The following AGAP1 variants were observed in gnomAD, a reference collection of about 807,000 sequenced individuals.
The protein encoded by AGAP1 is arf-GAP with GTPase, ANK repeat and PH domain-containing protein 1.
Under a neutral mutation model 105.3 loss-of-function variants are expected in AGAP1, and 29 were observed. The ratio of observed to expected loss-of-function variants is 0.28; its 90% confidence interval spans 0.21 to 0.38. AGAP1 has a LOEUF of 0.38. Among genes scored for constraint, AGAP1 ranks in the 10% least tolerant of loss-of-function variants. The pLI, the probability that AGAP1 is intolerant of heterozygous loss-of-function variation, is 1.00. For synonymous variants in AGAP1, 509 were observed against 485.9 expected (o/e 1.05, Z -0.63); for missense variants, 998 against 1,165.1 (o/e 0.86, Z 2.09).
In AGAP1 at chr2:235,777,519, G is replaced by A. The variant is rs147168431; in HGVS notation, c.674-20240G>A. On this transcript the variant is annotated intron_variant, in intron 6 of 17. Coordinates refer to ENST00000304032, the MANE Select transcript of AGAP1 (RefSeq NM_001037131.3). The surrounding 1 kb of genome is among the most constrained non-coding windows in gnomAD (Gnocchi z 5.1). ...GCGTCTGCCTCTGGGAGCAGAAACC[G>A]TTGTTTCACCAGCAAATTACGCTGG... Among the ~76,000 whole-genome samples the A allele has an allele frequency of 4.9e-4, 75 of 152,334 alleles. No homozygotes were observed. Among genetic ancestry groups the A allele is most frequent in the Non-Finnish European group, 9.0e-4 (61 of 68,036 alleles).
chr2:235,791,919 A>G (rs1957000262), intron 6 of AGAP1, among the ~76,000 whole-genome samples: 1 of 152,252 alleles, frequency 6.6e-6, no homozygotes, highest in Non-Finnish European at 1.5e-5. Context: ...GAGACAAGAC[A>G]TGCAGTGCCC....
chr2:235,524,516 CGGGG>C (rs1942754373), intron 1 of AGAP1: 1 of 349,268 alleles, frequency 2.9e-6, no homozygotes, highest in Admixed American at 3.6e-5. Flanking sequence ...AGACAGGCCA[CGGGG>C]CTGCACCCAG....
chr2:235,888,846 T>C lies in AGAP1; in HGVS notation c.1155+5397T>C, dbSNP rs2050392056. On this transcript the variant is annotated intron_variant, in intron 10 of 17. Transcript: ENST00000304032. This position sits in a 1 kb window ranked among gnomAD's most constrained non-coding sequence, Gnocchi z 4.8. ...AGTGCCAGCATCCTCATACCTTTGT[T>C]TGGGAAAGACACCCCAGCAGTGGGG... Among the ~76,000 whole-genome samples, 1 of 152,192 alleles carries C rather than the reference T, an allele frequency of 6.6e-6. No individual in the cohort carries two copies. The highest frequency in any genetic ancestry group is 2.4e-5 in the African/African-American group (1 of 41,446).
rs114261901 is a variant in AGAP1, at chr2:235,620,850, G to A, written c.164-88329G>A. 4.8e-3 allele frequency among the ~76,000 whole-genome samples: 726 copies of A among 152,296 alleles called. 2 individuals carry two copies. The highest frequency in any genetic ancestry group is 0.017 in the African/African-American group (705 of 41,566). ...TGCTCTGGTTTCCTTCTAGTTGTGGGAAGTAATTCCTGAATTGCAGCCCTA... is the reference window on the plus strand; with the variant it reads ...TGCTCTGGTTTCCTTCTAGTTGTGGAAAGTAATTCCTGAATTGCAGCCCTA... On this transcript the variant is annotated intron_variant, in intron 1 of 17. Coordinates refer to ENST00000304032, the MANE Select transcript of AGAP1 (RefSeq NM_001037131.3). The surrounding 1 kb of genome is among the most constrained non-coding windows in gnomAD (Gnocchi z 4.5).
intron 16 of AGAP1, among the ~76,000 whole-genome samples, chr2:236,070,595 A>G (rs923772023): frequency 3.3e-5 from 5 of 152,254 alleles, no homozygotes; most frequent in Non-Finnish European, 7.3e-5. Flanking sequence ...TATCCACACA[A>G]TGGAATATTG....
At chr2:235,671,007 C>T in intron 1 of AGAP1, 1 of 1,322,404 alleles carries the variant, frequency 7.6e-7, no homozygotes, top group Non-Finnish European at 9.6e-7. Context: ...CGGGCCCCGG[C>T]CGAAGCGCAC....
intron 1 of AGAP1, among the ~76,000 whole-genome samples, chr2:235,538,457 GTGTGCA>G (rs1243706371): frequency 6.6e-6 from 1 of 150,944 alleles, no homozygotes; most frequent in African/African-American, 2.5e-5. Flanking sequence ...GTGTGTGTGT[GTGTGCA>G]TGCTTGTACG....
At chr2:235,798,473 C>T (rs1957342821) in intron 7 of AGAP1, among the ~76,000 whole-genome samples, 2 of 152,226 alleles carry the variant, frequency 1.3e-5, no homozygotes, top group African/African-American at 4.8e-5. Context: ...ATTCTATTGG[C>T]ACTGTTTTTT....
At chr2:235,656,631 C>A (rs1302468908) in intron 1 of AGAP1, among the ~76,000 whole-genome samples, 2 of 152,106 alleles carry the variant, frequency 1.3e-5, no homozygotes, top group East Asian at 3.9e-4. Flanking sequence ...TGCGGTCTAA[C>A]CCTAGCCAAC....
At chr2:235,795,729 TTTAA>T (rs1331255448) in intron 6 of AGAP1, among the ~76,000 whole-genome samples, 7 of 152,242 alleles carry the variant, frequency 4.6e-5, no homozygotes, top group African/African-American at 1.4e-4. Flanking sequence ...CATTTTATTT[TTTAA>T]TTAATGTGGT....
At position 236,128,870 on chromosome 2, in the gene AGAP1, A is replaced by G. The variant is rs2060045799; in HGVS notation, c.*4748A>G. 1 of 152,174 alleles carries G rather than the reference A, an allele frequency of 6.6e-6. No homozygotes were observed. Among genetic ancestry groups the G allele is most frequent in the South Asian group, 2.1e-4 (1 of 4,822 alleles). The allele number at this position is 152,174 out of a possible 1,614,324, so 9.4% of individuals were successfully genotyped here. Reference sequence around the variant, plus strand: ...TGCTTCCGTCCCTCACCGCCTGCACAAGGTCGTTGAGACTTTTCTAGAACT... The same window carrying G: ...TGCTTCCGTCCCTCACCGCCTGCACGAGGTCGTTGAGACTTTTCTAGAACT... On this transcript the variant is annotated 3_prime_UTR_variant, in exon 18 of 18. Coordinates refer to ENST00000304032, the MANE Select transcript of AGAP1 (RefSeq NM_001037131.3). This position sits in a 1 kb window ranked among gnomAD's most constrained non-coding sequence, Gnocchi z 5.9.
intron 13 of AGAP1, among the ~76,000 whole-genome samples, chr2:236,018,370 G>A (rs1262832715): frequency 1.3e-5 from 2 of 152,210 alleles, no homozygotes; most frequent in African/African-American, 4.8e-5. Context: ...GAACAAAGAG[G>A]ACCAAGTGGC....
In AGAP1 at chr2:235,768,377, C is replaced by T. The variant is rs144698653; in HGVS notation, c.673+17889C>T. Among the ~76,000 whole-genome samples, 370 of 152,262 alleles carry T rather than the reference C, an allele frequency of 2.4e-3. 1 individual carries two copies. The highest frequency in any genetic ancestry group is 8.4e-3 in the African/African-American group (349 of 41,528). On this transcript the variant is annotated intron_variant, in intron 6 of 17. Coordinates refer to ENST00000304032, the MANE Select transcript of AGAP1 (RefSeq NM_001037131.3). Reference sequence around the variant, plus strand: ...AACATTTTCTCTATCAGAATATGTACAAATTGAATGTCTAGAATTTATAAA... The same window carrying T: ...AACATTTTCTCTATCAGAATATGTATAAATTGAATGTCTAGAATTTATAAA...
intron 8 of AGAP1, among the ~76,000 whole-genome samples, chr2:235,806,741 A>G (rs1957854882): frequency 6.6e-6 from 1 of 152,244 alleles, no homozygotes; most frequent in African/African-American, 2.4e-5. Context: ...GCAAAAACGG[A>G]AAATGTTAAC....
intron 6 of AGAP1, among the ~76,000 whole-genome samples, chr2:235,770,494 C>A (rs1955355680): frequency 6.6e-6 from 1 of 152,110 alleles, no homozygotes; most frequent in South Asian, 2.1e-4. Flanking sequence ...GTGGTGCCAT[C>A]TCGGCTCACT....
At position 235,931,037 on chromosome 2, in the gene AGAP1, T is replaced by A; in HGVS notation, c.1483+114T>A. 2 of 1,235,100 alleles carry A rather than the reference T, an allele frequency of 1.6e-6. No individual in the cohort carries two copies. Among genetic ancestry groups the A allele is most frequent in the Non-Finnish European group, 2.2e-6 (2 of 913,602 alleles). The allele number at this position is 1,235,100 out of a possible 1,614,324, so 76.5% of individuals were successfully genotyped here. On this transcript the variant is annotated intron_variant, in intron 12 of 17. Transcript: ENST00000304032. This position sits in a 1 kb window ranked among gnomAD's most constrained non-coding sequence, Gnocchi z 5.6. Reference sequence around the variant, plus strand: ...ATGCTCCTCTGGGAGCGCAGCACCCTGTGGGGCGGCTGCATCAGAGACTCA... The same window carrying A: ...ATGCTCCTCTGGGAGCGCAGCACCCAGTGGGGCGGCTGCATCAGAGACTCA...
intron 1 of AGAP1, among the ~76,000 whole-genome samples, chr2:235,676,192 A>G (rs1215261784): frequency 6.6e-6 from 1 of 152,224 alleles, no homozygotes; most frequent in Non-Finnish European, 1.5e-5. Flanking sequence ...TCACAGCCTC[A>G]TGGGGTACTT....
At chr2:235,607,045 A>T (rs546863908) in intron 1 of AGAP1, among the ~76,000 whole-genome samples, 14 of 151,936 alleles carry the variant, frequency 9.2e-5, no homozygotes, top group Non-Finnish European at 1.9e-4. Flanking sequence ...TGAGACTGGC[A>T]GGTGAGAAAA....
chr2:235,630,703 T>C (rs140400540), intron 1 of AGAP1, among the ~76,000 whole-genome samples: 54 of 152,372 alleles, frequency 3.5e-4, no homozygotes, highest in Non-Finnish European at 6.8e-4. Context: ...TTGGTCCTGC[T>C]CCTTCTCTGC....
Sources: allele counts gnomAD v4.1 joint callset (sites outside exome capture counted in the v4.1 genomes callset), GRCh38; gene constraint gnomAD v4.1.1; non-coding constraint Gnocchi (gnomAD v3.1); transcripts MANE v1.5; gene names NCBI Gene and HGNC (gene_info 2026-07-23, HGNC 2026-07-21).